Variants in HBS1L observed in about 807,000 individuals in gnomAD.
The protein encoded by HBS1L is HBS1 like translational GTPase.
Under a neutral mutation model 88.9 loss-of-function variants are expected in HBS1L, and 55 were observed. That is an observed-to-expected ratio of 0.62 (90% confidence interval 0.50 to 0.77). The LOEUF is 0.77. HBS1L is among the 30% of genes least tolerant of loss of function. HBS1L has a pLI of 0.00. For missense variants in HBS1L, 741 were observed against 829.3 expected, an observed-to-expected ratio of 0.89 and a Z score of 1.31; for synonymous variants, 267 against 288.5, an observed-to-expected ratio of 0.93 and a Z score of 0.76.
At chr6:134,999,288 C>CCCA (rs1005824789) in intron 5 of HBS1L, among the ~76,000 whole-genome samples, 11 of 152,064 alleles carry the variant, frequency 7.2e-5, no homozygotes, top group African/African-American at 2.7e-4. Flanking sequence ...GCTCAGCTCC[C>CCCA]CCACCAATCC....
rs140754543 is a variant in HBS1L, at chr6:134,970,801, T to C, written c.1798-1463A>G. Among the ~76,000 whole-genome samples the C allele has an allele frequency of 5.5e-3, 834 of 152,186 alleles. 8 individuals carry two copies. The highest frequency in any genetic ancestry group is 0.017 in the African/African-American group (702 of 41,524). The stretch of plus-strand genomic sequence containing the variant: ...AAGCTAAGGTTTGGATACACCCTAA[T>C]CCAAACCAGAACAAAGTTAGACTGA... On this transcript the variant is annotated intron_variant, in intron 15 of 17. Transcript: ENST00000367837.
At chr6:135,019,662 G>A (rs1447870086) in intron 4 of HBS1L, among the ~76,000 whole-genome samples, 2 of 151,734 alleles carry the variant, frequency 1.3e-5, no homozygotes, top group Non-Finnish European at 3.0e-5. Context: ...AAGACAGGGA[G>A]AGGTTACTCC....
intron 4 of HBS1L, among the ~76,000 whole-genome samples, chr6:135,022,833 T>C: frequency 6.6e-6 from 1 of 152,030 alleles, no homozygotes; most frequent in East Asian, 1.9e-4. Flanking sequence ...TAATATCTCA[T>C]ATTTCTTTGT....
intron 4 of HBS1L, chr6:135,037,651 T>A: frequency 1.3e-6 from 2 of 1,549,656 alleles, no homozygotes; most frequent in East Asian, 4.9e-5. Context: ...GGAAATGCAT[T>A]CAGATGCATG....
chr6:135,006,539 C>T (rs1243882490), intron 4 of HBS1L, among the ~76,000 whole-genome samples: 5 of 151,648 alleles, frequency 3.3e-5, no homozygotes, highest in Non-Finnish European at 7.4e-5. Flanking sequence ...AAGACAATAA[C>T]TTCAAAAGAA....
intron 4 of HBS1L, among the ~76,000 whole-genome samples, chr6:135,006,393 C>T (rs1235147226): frequency 6.6e-6 from 1 of 151,922 alleles, no homozygotes; most frequent in Non-Finnish European, 1.5e-5. Flanking sequence ...AGGTCATAAG[C>T]TGTGATCATG....
rs78022260 is a variant in HBS1L, at chr6:135,031,424, A to G, written c.430+8149T>C. On this transcript the variant is annotated intron_variant, in intron 4 of 17. Coordinates refer to ENST00000367837, the MANE Select transcript of HBS1L (RefSeq NM_006620.4). ...ACAAGAGTCGACTATATATGTATGC[A>G]TATTATGTGCACACACACATACATT... 6.9e-3 allele frequency among the ~76,000 whole-genome samples: 1,051 copies of G among 152,246 alleles called. 13 individuals carry two copies. Among genetic ancestry groups the G allele is most frequent in the African/African-American group, 0.024 (990 of 41,576 alleles).
In HBS1L at chr6:134,962,251, A is replaced by C. The variant is rs1774204863; in HGVS notation, c.*3028T>G. ...TGTTATTTTTATATCAATAAAAAAA[A>C]CCTCTAATACTTCTATTGAAAAATA... On this transcript the variant is annotated 3_prime_UTR_variant, in exon 18 of 18. Coordinates refer to ENST00000367837, the MANE Select transcript of HBS1L (RefSeq NM_006620.4). 2 of 149,664 alleles carry C rather than the reference A, an allele frequency of 1.3e-5. No homozygotes were observed. The highest frequency in any genetic ancestry group is 3.0e-5 in the Non-Finnish European group (2 of 67,786). The allele number at this position is 149,664 out of a possible 1,614,324, so 9.3% of individuals were successfully genotyped here.
chr6:134,999,769 A>C (rs960691689), intron 5 of HBS1L, among the ~76,000 whole-genome samples: 8 of 152,136 alleles, frequency 5.3e-5, no homozygotes, highest in Non-Finnish European at 1.2e-4. Flanking sequence ...AATCTTAGGT[A>C]AACTGTAAAT....
chr6:134,969,615 T>C (rs1267257017), intron 15 of HBS1L, among the ~76,000 whole-genome samples: 1 of 152,200 alleles, frequency 6.6e-6, no homozygotes, highest in Admixed American at 6.5e-5. Context: ...TCTGTAAAGA[T>C]GGAGGGTAAC....
chr6:135,016,730 A>T (rs1775933301), intron 4 of HBS1L, among the ~76,000 whole-genome samples: 1 of 151,722 alleles, frequency 6.6e-6, no homozygotes, highest in Non-Finnish European at 1.5e-5. Flanking sequence ...CAACTAAACT[A>T]AGAGTTCCAG....
chr6:135,033,027 C>T (rs1323934063), intron 4 of HBS1L, among the ~76,000 whole-genome samples: 1 of 152,018 alleles, frequency 6.6e-6, no homozygotes, highest in Non-Finnish European at 1.5e-5. Context: ...AAAAGAGCCA[C>T]CTAAAGACTT....
At position 134,965,247 on chromosome 6, in the gene HBS1L, G is replaced by C; in HGVS notation, c.*32C>G. The stretch of plus-strand genomic sequence containing the variant: ...TGAAACAGAGGTTAGCTATTTCACT[G>C]TATCCAGAAACGTGGTAGAAATTCT... On this transcript the variant is annotated 3_prime_UTR_variant, in exon 18 of 18. Transcript: ENST00000367837. The C allele has an allele frequency of 6.5e-7, 1 of 1,546,020 alleles. No individual in the cohort carries two copies. Among genetic ancestry groups the C allele is most frequent in the South Asian group, 1.1e-5 (1 of 88,382 alleles).
chr6:135,036,570 A>G, intron 4 of HBS1L: 1 of 1,491,210 alleles, frequency 6.7e-7, no homozygotes, highest in Non-Finnish European at 8.9e-7. Flanking sequence ...ATTCTCTAGT[A>G]AATGCTTTTT....
intron 9 of HBS1L, among the ~76,000 whole-genome samples, chr6:134,987,211 CAAG>C (rs1005305283): frequency 6.6e-6 from 1 of 151,730 alleles, no homozygotes; most frequent in African/African-American, 2.4e-5. Context: ...ATGCATAAGA[CAAG>C]AAAATTATTT....
At position 134,961,466 on chromosome 6, in the gene HBS1L, G is replaced by A. The variant is rs1057395729; in HGVS notation, c.*3813C>T. On this transcript the variant is annotated 3_prime_UTR_variant, in exon 18 of 18. Coordinates refer to ENST00000367837, the MANE Select transcript of HBS1L (RefSeq NM_006620.4). ...TTCTCAAATCTCTAACATCAGATGA[G>A]GTCACTGTAATCCGGATAAAATGAG... 6.6e-6 allele frequency: 1 copy of A among 152,104 alleles called. No homozygotes were observed. Among genetic ancestry groups the A allele is most frequent in the Non-Finnish European group, 1.5e-5 (1 of 68,018 alleles). The allele number at this position is 152,104 out of a possible 1,614,324, so 9.4% of individuals were successfully genotyped here.
At chr6:134,992,774 C>G (rs1050908941) in intron 8 of HBS1L, among the ~76,000 whole-genome samples, 5 of 151,956 alleles carry the variant, frequency 3.3e-5, no homozygotes, top group African/African-American at 1.2e-4. Context: ...CTACAGTAAG[C>G]TAAGCTTAAT....
chr6:134,969,855 T>G (rs1774431469), intron 15 of HBS1L, among the ~76,000 whole-genome samples: 2 of 152,082 alleles, frequency 1.3e-5, no homozygotes, highest in Non-Finnish European at 2.9e-5. Context: ...ATGGTAGAAG[T>G]TCAACCAATA....
chr6:135,047,479 T>C (rs914945340), intron 2 of HBS1L, among the ~76,000 whole-genome samples: 2 of 152,222 alleles, frequency 1.3e-5, no homozygotes, highest in Non-Finnish European at 2.9e-5. Context: ...TCTCAATGCA[T>C]ACCACGAGCA....
Sources: allele counts gnomAD v4.1 joint callset (sites outside exome capture counted in the v4.1 genomes callset), GRCh38; gene constraint gnomAD v4.1.1; transcripts MANE v1.5; gene names NCBI Gene and HGNC (gene_info 2026-07-23, HGNC 2026-07-21).